Variants in PTH2R observed in about 807,000 individuals in gnomAD.
PTH2R encodes the protein parathyroid hormone 2 receptor, also known as PTH2 receptor.
A neutral mutation model predicts 60.3 loss-of-function variants in PTH2R; 59 were observed. The ratio of observed to expected loss-of-function variants is 0.98; its 90% CI spans 0.79 to 1.22. PTH2R has a LOEUF of 1.22. Ranked by LOEUF, PTH2R falls within the 50% of genes most tolerant of loss-of-function variation. The pLI is 0.00. For missense variants in PTH2R, 749 were observed against 682.6 expected (o/e 1.10, Z -1.08); for synonymous variants, 256 against 243.8 (o/e 1.05, Z -0.47).
chr2:208,450,708 C>G (rs1488272399), intron 7 of PTH2R, 41 bp from the exon 8 acceptor site: 15 of 1,599,588 alleles, frequency 9.4e-6, no homozygotes, highest in Non-Finnish European at 1.1e-5. Context: ...CCTCCTTAAT[C>G]TTAAAATAAA....
intron 1 of PTH2R, among the ~76,000 whole-genome samples, chr2:208,377,530 C>A (rs1480742676): frequency 6.8e-6 from 1 of 146,590 alleles, no homozygotes; most frequent in African/African-American, 2.6e-5. Flanking sequence ...GACGGGGCGG[C>A]TGGCCGGGCG....
intron 1 of PTH2R, among the ~76,000 whole-genome samples, chr2:208,410,214 T>G (rs1241039537): frequency 6.6e-6 from 1 of 152,202 alleles, no homozygotes; most frequent in Non-Finnish European, 1.5e-5. Flanking sequence ...CCAAATACTG[T>G]GCTAAGTACT....
At chr2:208,391,455 G>A (rs1257512527) in intron 1 of PTH2R, among the ~76,000 whole-genome samples, 1 of 152,094 alleles carries the variant, frequency 6.6e-6, no homozygotes, top group Non-Finnish European at 1.5e-5. Context: ...AACTTCCAGG[G>A]CCATCCCCTT....
At chr2:208,407,218 G>A in intron 1 of PTH2R, 100 bp downstream of exon 1, 1 of 1,070,656 alleles carries the variant, frequency 9.3e-7, no homozygotes. Flanking sequence ...GCTCATTCAT[G>A]TTCACACGTC....
At position 208,437,543 on chromosome 2, in the gene PTH2R, A is replaced by G. The variant is rs1481828793; in HGVS notation, c.185A>G (p.Asn62Ser). ...ITAQLQEGEG[N>S]CFPEWDGLIC... ...AATTTTTTTTTCTCATTAGAAGGTA[A>G]TTGTTTCCCTGAATGGGATGGACTC... Residue 62 changes from asparagine (N) to serine (S), a missense_variant, in exon 3 of 13, where the codon AAT (asparagine) becomes AGT (serine). Physicochemically the swap from Asn to Ser is conservative, Grantham distance 46. Transcript: ENST00000272847. The G allele has an allele frequency of 2.5e-6, 4 of 1,601,396 alleles. No individual in the cohort carries two copies. The highest frequency in any genetic ancestry group is 3.4e-6 in the Non-Finnish European group (4 of 1,174,868).
intron 1 of PTH2R, among the ~76,000 whole-genome samples, chr2:208,377,481 G>A (rs1477502312): frequency 6.6e-6 from 1 of 151,008 alleles, no homozygotes; most frequent in Non-Finnish European, 1.5e-5. Context: ...CCCGGATGGG[G>A]CGGCGGCTGG....
Position 208,367,016 on chromosome 2 carries a change from T to C in PTH2R, c.-259+6779T>C, listed in dbSNP as rs146863479. On this transcript the variant is annotated intron_variant, in intron 1 of 12. Transcript: ENST00000617735. Reference sequence around the variant, plus strand: ...CATAAATCATCTTCCATGGCGTAGGTGTGCTGGAGTCTCAGAGTCTATTCT... The same window carrying C: ...CATAAATCATCTTCCATGGCGTAGGCGTGCTGGAGTCTCAGAGTCTATTCT... Among the ~76,000 whole-genome samples the C allele has an allele frequency of 2.6e-3, 401 of 152,342 alleles. 1 individual carries two copies. Among genetic ancestry groups the C allele is most frequent in the African/African-American group, 8.7e-3 (363 of 41,582 alleles).
intron 1 of PTH2R, among the ~76,000 whole-genome samples, chr2:208,397,592 G>C (rs1270829871): frequency 6.6e-6 from 1 of 152,176 alleles, no homozygotes; most frequent in Non-Finnish European, 1.5e-5. Context: ...GCTCTAAGCT[G>C]AAAGAGGGAA....
intron 2 of PTH2R, among the ~76,000 whole-genome samples, chr2:208,435,355 C>T (rs1430289293): frequency 6.6e-6 from 1 of 152,058 alleles, no homozygotes; most frequent in Non-Finnish European, 1.5e-5. Flanking sequence ...TATGCTGTGT[C>T]ACATGGCAGA....
exon 1 of PTH2R, chr2:208,360,073 A>T: frequency 2.7e-6 from 1 of 376,944 alleles, no homozygotes; most frequent in Non-Finnish European, 5.3e-6. Context: ...CTGGGTTAAT[A>T]TTTTTAAAAA....
intron 1 of PTH2R, among the ~76,000 whole-genome samples, chr2:208,395,411 G>A (rs1437726198): frequency 2.6e-5 from 4 of 152,120 alleles, no homozygotes; most frequent in Non-Finnish European, 5.9e-5. Context: ...TGTGCCTCAT[G>A]TAGAGGATGT....
chr2:208,364,854 T>C (rs1700547053), intron 1 of PTH2R, among the ~76,000 whole-genome samples: 1 of 148,316 alleles, frequency 6.7e-6, no homozygotes, highest in South Asian at 2.1e-4. Context: ...TAATGTTTTA[T>C]AGTTTTCATT....
chr2:208,390,815 G>A (rs951277117), intron 1 of PTH2R, among the ~76,000 whole-genome samples: 4 of 152,332 alleles, frequency 2.6e-5, no homozygotes, highest in East Asian at 3.9e-4. Context: ...TGGCTCAAAG[G>A]GAGAGGTAGA....
Position 208,421,601 on chromosome 2 carries a change from A to G in PTH2R, c.76-6600A>G, listed in dbSNP as rs149098246. ...TTATTTTAAAGCAGTATTACAGACA[A>G]TACATTCTAAATAATTAAAAACATG... is the stretch of plus-strand genomic sequence containing the variant. On this transcript the variant is annotated intron_variant, in intron 1 of 12. Coordinates refer to ENST00000272847, the MANE Select transcript of PTH2R (RefSeq NM_005048.4). 2.3e-3 allele frequency among the ~76,000 whole-genome samples: 349 copies of G among 152,332 alleles called. 4 individuals are homozygous for G. Among genetic ancestry groups the G allele is most frequent in the African/African-American group, 7.7e-3 (322 of 41,568 alleles).
chr2:208,407,052 G>T lies in PTH2R; in HGVS notation c.9G>T (p.Gly3=), dbSNP rs1701428452. Residue 3 remains glycine (G), a synonymous_variant, in exon 1 of 13, where the codon GGG becomes GGT. Transcript: ENST00000272847. MA[G]LGASLHVWGW... ...CTACAGCCGTTCCGGGCATGGCCGG[G>T]CTGGGGGCGTCGCTCCACGTCTGGG... 1.4e-6 allele frequency: 2 copies of T among 1,394,644 alleles called. No individual in the cohort carries two copies. The highest frequency in any genetic ancestry group is 1.5e-5 in the African/African-American group (1 of 67,098). The allele number at this position is 1,394,644 out of a possible 1,614,324, so 86.4% of individuals were successfully genotyped here.
intron 9 of PTH2R, among the ~76,000 whole-genome samples, chr2:208,476,298 T>C (rs940507031): frequency 6.6e-6 from 1 of 152,138 alleles, no homozygotes; most frequent in Non-Finnish European, 1.5e-5. Context: ...ATGGATAAAA[T>C]TTAATCTCTG....
At chr2:208,387,606 G>A (rs1701025594) in intron 1 of PTH2R, among the ~76,000 whole-genome samples, 2 of 152,164 alleles carry the variant, frequency 1.3e-5, no homozygotes, top group Non-Finnish European at 2.9e-5. Context: ...CTTTAAAAAT[G>A]TGACTCTGTT....
intron 9 of PTH2R, among the ~76,000 whole-genome samples, chr2:208,461,420 T>C (rs906148588): frequency 6.6e-6 from 1 of 152,132 alleles, no homozygotes; most frequent in Non-Finnish European, 1.5e-5. Context: ...GCCTTTTATT[T>C]TCCTCCTTTC....
intron 9 of PTH2R, among the ~76,000 whole-genome samples, chr2:208,479,867 T>C (rs949814042): frequency 6.6e-6 from 1 of 152,208 alleles, no homozygotes; most frequent in African/African-American, 2.4e-5. Context: ...AAAATAAAAG[T>C]GTCTCCTCCA....
Sources: allele counts gnomAD v4.1 joint callset (sites outside exome capture counted in the v4.1 genomes callset), GRCh38; gene constraint gnomAD v4.1.1; transcripts MANE v1.5; gene names NCBI Gene and HGNC (gene_info 2026-07-23, HGNC 2026-07-21).